COMMD1: variants seen among roughly 807,000 people sequenced by gnomAD.
COMMD1 encodes the protein COMM domain-containing protein 1.
COMMD1 carries 10 observed loss-of-function variants against 17.2 expected under a neutral mutation model. The ratio of observed to expected loss-of-function variants is 0.58; its 90% confidence interval spans 0.36 to 0.99. COMMD1 has a LOEUF of 0.99. Ranked by LOEUF, COMMD1 falls within the 50% of genes least tolerant of loss-of-function variation. COMMD1 has a pLI of 0.01. For missense variants in COMMD1, 270 were observed against 231.8 expected (o/e 1.17, Z -1.07); for synonymous variants, 97 against 91.6 (o/e 1.06, Z -0.34).
intron 1 of COMMD1, among the ~76,000 whole-genome samples, chr2:61,972,130 CAAAA>C (rs956913484): frequency 1.3e-5 from 2 of 151,690 alleles, no homozygotes; most frequent in Non-Finnish European, 2.9e-5. Context: ...AAAAAACAAA[CAAAA>C]AAACTGGTGA....
chr2:62,107,581 C>T (rs115916322), intron 2 of COMMD1, among the ~76,000 whole-genome samples: 3,556 of 152,322 alleles, frequency 0.023, 54 homozygotes, highest in Admixed American at 0.052. Context: ...AAATGCCAAA[C>T]TGTCCAGTAG....
chr2:61,888,698 C>T (rs1669325769), upstream of COMMD1: 6 of 613,002 alleles, frequency 9.8e-6, 1 homozygote, highest in South Asian at 1.3e-4. Flanking sequence ...ACGTAGGAGG[C>T]TGTCCGCTGC....
chr2:62,106,030 C>T (rs927099852), intron 2 of COMMD1, among the ~76,000 whole-genome samples: 5 of 152,078 alleles, frequency 3.3e-5, no homozygotes, highest in Admixed American at 6.5e-5. Flanking sequence ...GGGTCTGGCT[C>T]TGTCACCCAG....
intron 2 of COMMD1, among the ~76,000 whole-genome samples, chr2:62,116,550 T>C (rs1425792412): frequency 6.6e-6 from 1 of 151,848 alleles, no homozygotes; most frequent in Non-Finnish European, 1.5e-5. Context: ...CATGCGCCTA[T>C]AGTCCCAGCT....
intron 2 of COMMD1, among the ~76,000 whole-genome samples, chr2:62,006,679 G>A (rs1028909548): frequency 4.6e-5 from 7 of 152,168 alleles, no homozygotes; most frequent in African/African-American, 1.7e-4. Flanking sequence ...CTGAAATCCT[G>A]TCATATTTGG....
At chr2:62,056,667 T>G (rs1670710776) in intron 2 of COMMD1, among the ~76,000 whole-genome samples, 2 of 152,236 alleles carry the variant, frequency 1.3e-5, no homozygotes, top group African/African-American at 4.8e-5. Flanking sequence ...AGCCAAGGCC[T>G]TCTTTCTCCC....
intron 2 of COMMD1, among the ~76,000 whole-genome samples, chr2:62,061,728 T>C (rs552855521): frequency 1.3e-5 from 2 of 151,954 alleles, no homozygotes; most frequent in East Asian, 3.9e-4. Context: ...GCTAATTTTT[T>C]GTATTTTCAG....
intron 2 of COMMD1, among the ~76,000 whole-genome samples, chr2:62,059,945 G>T (rs1174326932): frequency 6.6e-6 from 1 of 151,908 alleles, no homozygotes; most frequent in African/African-American, 2.4e-5. Context: ...ATGAATTTTG[G>T]GGGGGGAATT....
In COMMD1 at chr2:62,083,421, TGAA is replaced by T. The variant is rs573730928; in HGVS notation, c.463-52401_463-52399del. ...TCTCTATATTCTGATAAAGCTTTAA[TGAA>T]GAAGAAGATAGGAGCAAGCCAGACT... On this transcript the variant is annotated intron_variant, in intron 2 of 2. Coordinates refer to ENST00000311832, the MANE Select transcript of COMMD1 (RefSeq NM_152516.4). Among the ~76,000 whole-genome samples, 142 of 152,360 alleles carry T rather than the reference TGAA, an allele frequency of 9.3e-4. 3 individuals are homozygous for T. The highest frequency in any genetic ancestry group is 2.7e-3 in the Admixed American group (42 of 15,308).
chr2:61,953,298 C>T (rs1671106974), intron 1 of COMMD1, among the ~76,000 whole-genome samples: 1 of 152,072 alleles, frequency 6.6e-6, no homozygotes. Flanking sequence ...CAGGTGTGAG[C>T]CACCATACCC....
At chr2:62,005,769 T>C (rs1669094911) in intron 2 of COMMD1, among the ~76,000 whole-genome samples, 1 of 151,770 alleles carries the variant, frequency 6.6e-6, no homozygotes, top group Non-Finnish European at 1.5e-5. Context: ...AGTTCAACCA[T>C]TGTGGAAGTC....
chr2:61,906,300 T>A (rs1572947905), intron 1 of COMMD1, among the ~76,000 whole-genome samples: 1 of 152,368 alleles, frequency 6.6e-6, no homozygotes, highest in Admixed American at 6.5e-5. Context: ...AGCAGTCCAC[T>A]GCGTGGTTAA....
At chr2:61,908,674 C>G (rs1669832381) in intron 1 of COMMD1, among the ~76,000 whole-genome samples, 1 of 152,170 alleles carries the variant, frequency 6.6e-6, no homozygotes, top group African/African-American at 2.4e-5. Flanking sequence ...AATTCTCTGC[C>G]TCAGCCTCCC....
intron 2 of COMMD1, among the ~76,000 whole-genome samples, chr2:62,047,704 C>T (rs575975484): frequency 3.3e-5 from 5 of 152,232 alleles, no homozygotes; most frequent in South Asian, 4.2e-4. Flanking sequence ...CCACTTGCCT[C>T]GGCCTCCCAA....
At chr2:61,902,381 C>A (rs1669675208), upstream of COMMD1, among the ~76,000 whole-genome samples, 1 of 151,888 alleles carries the variant, frequency 6.6e-6, no homozygotes, top group Non-Finnish European at 1.5e-5. Context: ...TGGCGCACGC[C>A]TGTAGTCCCA....
chr2:61,915,006 CTT>C (rs112968937), intron 1 of COMMD1, among the ~76,000 whole-genome samples: 9,930 of 133,158 alleles, frequency 0.075, 633 homozygotes, highest in African/African-American at 0.17. Flanking sequence ...CTTTTCTTTC[CTT>C]TTTTTTTTTT....
intron 1 of COMMD1, among the ~76,000 whole-genome samples, chr2:61,975,118 C>CTTTTTTTTTTTTTTTTTTTTTTTTTTTTT: frequency 6.2e-5 from 5 of 80,164 alleles, no homozygotes; most frequent in Non-Finnish European, 7.1e-5. Flanking sequence ...TCATTTCTTT[C>CTTTTTTTTTTTTTTTTTTTTTTTTTTTTT]TTTTTTTTTT....
At chr2:62,047,540 C>T (rs750469779) in intron 2 of COMMD1, among the ~76,000 whole-genome samples, 1 of 151,790 alleles carries the variant, frequency 6.6e-6, no homozygotes, top group Non-Finnish European at 1.5e-5. Flanking sequence ...CTGCAACCTC[C>T]GCCTCCTGGG....
intron 1 of COMMD1, among the ~76,000 whole-genome samples, chr2:61,919,527 G>A (rs997906735): frequency 1.4e-5 from 2 of 147,416 alleles, no homozygotes; most frequent in African/African-American, 5.0e-5. Context: ...TTGCCATGTC[G>A]ATCAGGCTTC....
Sources: gnomAD v4.1 joint callset for allele counts (sites outside exome capture counted in the v4.1 genomes callset) on GRCh38, gnomAD v4.1.1 for gene constraint, MANE v1.5 for transcripts, NCBI Gene and HGNC (gene_info 2026-07-23, HGNC 2026-07-21) for gene names.